Variants in CD36 observed in about 807,000 individuals in gnomAD.
The protein encoded by CD36 is platelet glycoprotein 4.
In CD36, 119 loss-of-function variants were observed where a neutral mutation model predicts 55.2. That is an observed-to-expected ratio of 2.15 (90% confidence interval 1.86 to 2.51). The LOEUF (loss-of-function observed/expected upper bound fraction) is 2.51. Ranked by LOEUF, CD36 falls within the 30% of genes most tolerant of loss-of-function variation. The pLI is 0.00. For missense variants in CD36, 819 were observed against 555.5 expected, an observed-to-expected ratio of 1.47 and a Z score of -4.77; for synonymous variants, 186 against 193.6, an observed-to-expected ratio of 0.96 and a Z score of 0.33.
intron 3 of CD36, among the ~76,000 whole-genome samples, chr7:80,655,529 G>C (rs891418142): frequency 6.6e-6 from 1 of 152,106 alleles, no homozygotes; most frequent in Non-Finnish European, 1.5e-5. Context: ...GTGATTTTTA[G>C]TGGATTTCAC....
At chr7:80,674,736 TTTTTTAG>T (rs1483585595) in intron 14 of CD36, among the ~76,000 whole-genome samples, 1 of 152,006 alleles carries the variant, frequency 6.6e-6, no homozygotes, top group Admixed American at 6.6e-5. Context: ...AGGAAAACCT[TTTTTTAG>T]TTATCACAGG....
At chr7:80,673,307 A>AT (rs1554346912) in intron 12 of CD36, 48 bp from the exon 13 acceptor site, 1 of 852,998 alleles carries the variant, frequency 1.2e-6, no homozygotes, top group Non-Finnish European at 1.9e-6. Flanking sequence ...TTTGTTATAT[A>AT]TAAATATTAG....
chr7:80,661,710 C>A (rs1796546165), intron 5 of CD36, among the ~76,000 whole-genome samples: 1 of 151,990 alleles, frequency 6.6e-6, no homozygotes, highest in African/African-American at 2.4e-5. Context: ...CAAACAAAAG[C>A]ACTTTGCAAT....
Position 80,663,179 on chromosome 7 carries a change from A to T in CD36, c.609+10A>T. The T allele has an allele frequency of 5.0e-6, 8 of 1,601,146 alleles. No homozygotes were observed. The highest frequency in any genetic ancestry group is 6.8e-6 in the Non-Finnish European group (8 of 1,168,296). The stretch of plus-strand genomic sequence containing the variant: ...TGGTCTGTTTTATCCTGTAAGTACC[A>T]AATATGAATGGCAATATTATTACAT... On this transcript the variant is annotated intron_variant, in intron 6 of 14. Coordinates refer to ENST00000447544, the MANE Select transcript of CD36 (RefSeq NM_001001548.3).
chr7:80,650,504 T>C (rs1470495565), intron 3 of CD36, among the ~76,000 whole-genome samples: 1 of 152,174 alleles, frequency 6.6e-6, no homozygotes. Flanking sequence ...CTTAGAGTAA[T>C]GCTATTTCAC....
upstream of CD36, among the ~76,000 whole-genome samples, chr7:80,636,642 A>AT (rs1794426796): frequency 6.6e-6 from 1 of 152,148 alleles, no homozygotes; most frequent in Non-Finnish European, 1.5e-5. Context: ...GTGGATTTAC[A>AT]TAAAGCAAGG....
chr7:80,668,423 CAGTAA>C (rs1466717392), intron 8 of CD36, among the ~76,000 whole-genome samples: 3 of 152,098 alleles, frequency 2.0e-5, no homozygotes, highest in Non-Finnish European at 4.4e-5. Context: ...AGTAATAAAA[CAGTAA>C]GGTTCTAATG....
intron 8 of CD36, among the ~76,000 whole-genome samples, chr7:80,668,862 C>G (rs946755206): frequency 6.6e-6 from 1 of 152,156 alleles, no homozygotes; most frequent in South Asian, 2.1e-4. Flanking sequence ...AATGACGGCT[C>G]GTATTAGTGA....
At chr7:80,610,355 A>G (rs997737476) in intron 1 of CD36, among the ~76,000 whole-genome samples, 2 of 152,094 alleles carry the variant, frequency 1.3e-5, no homozygotes, top group Non-Finnish European at 2.9e-5. Flanking sequence ...AAATCTACCC[A>G]CAATTATTTT....
At chr7:80,612,346 C>CAA (rs1166174704) in intron 1 of CD36, among the ~76,000 whole-genome samples, 1 of 152,066 alleles carries the variant, frequency 6.6e-6, no homozygotes, top group Admixed American at 6.5e-5. Flanking sequence ...TGTTTGGGGG[C>CAA]ATTTATTCTT....
At chr7:80,613,646 C>A (rs1401543351) in intron 1 of CD36, among the ~76,000 whole-genome samples, 1 of 152,106 alleles carries the variant, frequency 6.6e-6, no homozygotes, top group East Asian at 1.9e-4. Context: ...TTTAATGGGA[C>A]AAAGAGGCTT....
chr7:80,613,214 A>G (rs569828675), intron 1 of CD36, among the ~76,000 whole-genome samples: 64 of 152,226 alleles, frequency 4.2e-4, no homozygotes, highest in Admixed American at 8.5e-4. Context: ...CATTATACAT[A>G]TATGCTTTTT....
At chr7:80,664,523 G>A (rs1375323017) in intron 7 of CD36, 26 bp downstream of exon 7, 4 of 1,173,826 alleles carry the variant, frequency 3.4e-6, no homozygotes, top group Non-Finnish European at 5.1e-6. Context: ...AAATGTGCAT[G>A]TATGTTACTA....
chr7:80,602,914 A>C (rs1792322145), intron 1 of CD36, among the ~76,000 whole-genome samples: 1 of 152,168 alleles, frequency 6.6e-6, no homozygotes, highest in African/African-American at 2.4e-5. Context: ...TTGCTGTCAC[A>C]ACTGACAAAT....
At chr7:80,650,619 T>C (rs1040080159) in intron 3 of CD36, among the ~76,000 whole-genome samples, 10 of 152,176 alleles carry the variant, frequency 6.6e-5, no homozygotes, top group African/African-American at 2.4e-4. Context: ...AAAGCTATTG[T>C]ATACAAGTGA....
intron 1 of CD36, among the ~76,000 whole-genome samples, chr7:80,611,304 C>G (rs1018555431): frequency 6.6e-6 from 1 of 152,300 alleles, no homozygotes; most frequent in South Asian, 2.1e-4. Flanking sequence ...ATACATGACA[C>G]AGAGGCCCTA....
chr7:80,668,965 T>A (rs1184703663), intron 8 of CD36, among the ~76,000 whole-genome samples: 1 of 152,206 alleles, frequency 6.6e-6, no homozygotes, highest in South Asian at 2.1e-4. Context: ...GTAAATTCAA[T>A]AAATGACTTT....
At chr7:80,665,045 A>G (rs190768960) in intron 7 of CD36, among the ~76,000 whole-genome samples, 1 of 152,234 alleles carries the variant, frequency 6.6e-6, no homozygotes, top group Non-Finnish European at 1.5e-5. Flanking sequence ...ATAATTTTCC[A>G]TATTGATAAC....
chr7:80,658,489 TTTTTAA>T (rs1796267753), intron 4 of CD36, among the ~76,000 whole-genome samples: 2 of 152,110 alleles, frequency 1.3e-5, no homozygotes, highest in African/African-American at 2.4e-5. Context: ...TTCACTTCTG[TTTTTAA>T]TTTTGTTTAT....
Sources: allele counts gnomAD v4.1 joint callset (sites outside exome capture counted in the v4.1 genomes callset), GRCh38; gene constraint gnomAD v4.1.1; transcripts MANE v1.5; gene names NCBI Gene and HGNC (gene_info 2026-07-23, HGNC 2026-07-21).